Variants in MEGF10 observed in about 807,000 individuals in gnomAD.
The protein encoded by MEGF10 is multiple epidermal growth factor-like domains protein 10.
A neutral mutation model predicts 147.5 loss-of-function variants in MEGF10; 86 were observed. The observed-to-expected ratio is 0.58, with a 90% CI of 0.49 to 0.70. MEGF10 has a LOEUF of 0.70. Ranked by LOEUF, MEGF10 falls within the 30% of genes least tolerant of loss-of-function variation. The pLI, the probability that MEGF10 is intolerant of heterozygous loss-of-function variation, is 0.00. For synonymous variants in MEGF10, 478 were observed against 525.5 expected (o/e 0.91, Z 1.24); for missense variants, 1,329 against 1,487.3 (o/e 0.89, Z 1.75).
intron 1 of MEGF10, among the ~76,000 whole-genome samples, chr5:127,293,921 T>C (rs1312265472): frequency 1.3e-5 from 2 of 152,236 alleles, no homozygotes; most frequent in East Asian, 3.8e-4. Flanking sequence ...GCAGCACTTC[T>C]CAGGGTTATT....
Position 127,417,796 on chromosome 5 carries a change from G to T in MEGF10, c.1289G>T (p.Cys430Phe), listed in dbSNP as rs1055908437. 1 of 1,613,978 alleles carries T rather than the reference G, an allele frequency of 6.2e-7. No individual in the cohort carries two copies. The highest frequency in any genetic ancestry group is 8.5e-7 in the Non-Finnish European group (1 of 1,180,008). Residue 430 changes from cysteine to phenylalanine, a missense_variant, in exon 10 of 25, where the codon TGT (cysteine) becomes TTT (phenylalanine). Transcript: ENST00000503335. ...GACAGTGTGACTGGAAAGTGCACCT[G>T]TGCCCCAGGATTCAAAGTGAGTGAC... is the stretch of plus-strand genomic sequence containing the variant. Reference protein sequence around the residue: ...DCDSVTGKCTCAPGFKGIDCS... With the variant: ...DCDSVTGKCTFAPGFKGIDCS...
chr5:127,285,247 T>C, the MEGF10 span, among the ~76,000 whole-genome samples: 1 of 152,132 alleles, frequency 6.6e-6, no homozygotes, highest in Non-Finnish European at 1.5e-5. Flanking sequence ...CTAGCTAATA[T>C]ACTAGGAAAA....
intron 9 of MEGF10, among the ~76,000 whole-genome samples, chr5:127,414,458 G>A (rs1352049932): frequency 6.6e-6 from 1 of 152,104 alleles, no homozygotes; most frequent in Admixed American, 6.5e-5. Flanking sequence ...CTCCTGGTCT[G>A]TGCGTTCACT....
At chr5:127,443,256 A>G (rs1247650526) in intron 19 of MEGF10, 130 bp downstream of exon 19, 11 of 1,008,474 alleles carry the variant, frequency 1.1e-5, no homozygotes, top group Non-Finnish European at 1.5e-5. Flanking sequence ...ATAATTGGTT[A>G]CTTATTTAAT....
At chr5:127,241,400 T>G in the MEGF10 span, among the ~76,000 whole-genome samples, 1 of 152,188 alleles carries the variant, frequency 6.6e-6, no homozygotes, top group South Asian at 2.1e-4. Context: ...AAAGGAATGT[T>G]CATGAAGCAA....
chr5:127,371,712 G>T (rs1186757937), intron 5 of MEGF10, among the ~76,000 whole-genome samples: 5 of 152,212 alleles, frequency 3.3e-5, no homozygotes, highest in African/African-American at 4.8e-5. Context: ...CTCTAGAACT[G>T]ATTAGGACCT....
intron 22 of MEGF10, among the ~76,000 whole-genome samples, chr5:127,451,845 A>G (rs999910643): frequency 1.3e-5 from 2 of 152,214 alleles, no homozygotes; most frequent in African/African-American, 4.8e-5. Flanking sequence ...CACAAAGGAC[A>G]GAGTCAGGCA....
Position 127,447,641 on chromosome 5 carries a change from C to A in MEGF10, c.2813C>A (p.Thr938Lys). The change falls in exon 21 of 25, where the codon ACA (threonine) becomes AAA (lysine). Residue 938 changes from threonine (T) to lysine (K), a missense_variant. Around this residue, in one of 3 missense-constraint regions of MEGF10, gnomAD observed 343 missense variants for 377.9 expected, o/e 0.91. Transcript: ENST00000503335. ...TACCACACGCTCACCCAGTGTGCCA[C>A]ATCCCCTCACGTCAACAACAGGGAC... ...PSYHTLTQCA[T>K]SPHVNNRDRM... The A allele has an allele frequency of 6.2e-7, 1 of 1,614,154 alleles. No homozygotes were observed.
At chr5:127,339,442 G>T (rs571857922) in intron 3 of MEGF10, among the ~76,000 whole-genome samples, 1 of 152,270 alleles carries the variant, frequency 6.6e-6, no homozygotes, top group East Asian at 1.9e-4. Flanking sequence ...GAAAGTGTCT[G>T]CTGTTTACCA....
At chr5:127,408,572 A>G (rs1392802811) in intron 8 of MEGF10, among the ~76,000 whole-genome samples, 2 of 152,236 alleles carry the variant, frequency 1.3e-5, no homozygotes, top group African/African-American at 4.8e-5. Flanking sequence ...AGGTGTACCC[A>G]TGTATAACTT....
At chr5:127,310,406 A>T (rs376500635) in intron 1 of MEGF10, among the ~76,000 whole-genome samples, 33 of 152,022 alleles carry the variant, frequency 2.2e-4, no homozygotes, top group African/African-American at 7.7e-4. Context: ...AAAAATTTTT[A>T]AATTGTGATG....
chr5:127,266,943 A>C, the MEGF10 span, among the ~76,000 whole-genome samples: 1 of 152,224 alleles, frequency 6.6e-6, no homozygotes, highest in East Asian at 1.9e-4. Context: ...CCCTGGCCAG[A>C]ACTTCCAACA....
At chr5:127,355,588 C>T (rs1277667878) in intron 4 of MEGF10, among the ~76,000 whole-genome samples, 1 of 152,218 alleles carries the variant, frequency 6.6e-6, no homozygotes, top group Admixed American at 6.5e-5. Flanking sequence ...GTCCACATAC[C>T]GTGCCAGCAG....
At chr5:127,234,619 A>G in the MEGF10 span, among the ~76,000 whole-genome samples, 13,436 of 152,186 alleles carry the variant, frequency 0.088, 920 homozygotes, top group African/African-American at 0.19. Flanking sequence ...TTGGTATCTC[A>G]TATTATGCAT....
At chr5:127,415,160 G>A (rs558724712) in intron 9 of MEGF10, among the ~76,000 whole-genome samples, 64 of 152,310 alleles carry the variant, frequency 4.2e-4, no homozygotes, top group Middle Eastern at 6.8e-3. Context: ...GAAAGAAGAG[G>A]TTGAGGAGTA....
chr5:127,330,454 C>T (rs1464129105), intron 1 of MEGF10, among the ~76,000 whole-genome samples: 2 of 152,168 alleles, frequency 1.3e-5, no homozygotes, highest in South Asian at 2.1e-4. Flanking sequence ...ACCTGGCCCT[C>T]CCTTACATGT....
At chr5:127,258,132 C>T in the MEGF10 span, among the ~76,000 whole-genome samples, 3 of 152,152 alleles carry the variant, frequency 2.0e-5, no homozygotes, top group African/African-American at 7.2e-5. Flanking sequence ...AGTATTCTTG[C>T]TTGCATAGCA....
At chr5:127,333,663 C>A (rs1242810017) in intron 2 of MEGF10, among the ~76,000 whole-genome samples, 1 of 152,178 alleles carries the variant, frequency 6.6e-6, no homozygotes, top group African/African-American at 2.4e-5. Flanking sequence ...CATTGTCTGG[C>A]TCACCACTGA....
chr5:127,430,659 G>A (rs2126995479), intron 13 of MEGF10, among the ~76,000 whole-genome samples: 1 of 152,230 alleles, frequency 6.6e-6, no homozygotes, highest in South Asian at 2.1e-4. Flanking sequence ...TAAGATGAAG[G>A]GAAAAATAAC....
Sources: gnomAD v4.1 joint callset for allele counts (sites outside exome capture counted in the v4.1 genomes callset) on GRCh38, gnomAD v4.1.1 for gene constraint, gnomAD v4.1.1 regional missense constraint, MANE v1.5 for transcripts, NCBI Gene and HGNC (gene_info 2026-07-23, HGNC 2026-07-21) for gene names.